Variants in GUCY1A2 observed in about 807,000 individuals in gnomAD.
GUCY1A2 encodes guanylate cyclase 1 soluble subunit alpha 2.
GUCY1A2 carries 27 observed loss-of-function variants against 63.5 expected under a neutral mutation model. That is an observed-to-expected ratio of 0.43 (90% CI 0.31 to 0.59). The LOEUF is 0.59. GUCY1A2 is among the 20% of genes least tolerant of loss of function. The probability of loss-of-function intolerance (pLI) is 0.11; values close to 1 mark genes in which losing one functional copy is unlikely to be tolerated. For missense variants in GUCY1A2, 768 were observed against 913.3 expected (o/e 0.84, Z 2.05); for synonymous variants, 364 against 343.5 (o/e 1.06, Z -0.66).
chr11:106,884,462 A>G (rs1038084383), intron 4 of GUCY1A2, among the ~76,000 whole-genome samples: 4 of 152,112 alleles, frequency 2.6e-5, no homozygotes, highest in African/African-American at 9.7e-5. Context: ...AGTGAGAGAG[A>G]GCATGGGAAG....
At chr11:106,870,115 G>C (rs1462173617) in intron 4 of GUCY1A2, among the ~76,000 whole-genome samples, 1 of 124,426 alleles carries the variant, frequency 8.0e-6, no homozygotes, top group Non-Finnish European at 1.7e-5. Context: ...TGAGGGGGGG[G>C]GAGGGGGGAG....
intron 6 of GUCY1A2, among the ~76,000 whole-genome samples, chr11:106,709,193 TATATA>T (rs1265752781): frequency 7.9e-6 from 1 of 127,138 alleles, no homozygotes; most frequent in African/African-American, 2.9e-5. Context: ...TATATAACTA[TATATA>T]ATATACATGT....
chr11:106,700,795 A>ATT (rs538829087), intron 7 of GUCY1A2, among the ~76,000 whole-genome samples: 21 of 148,364 alleles, frequency 1.4e-4, no homozygotes, highest in African/African-American at 4.7e-4. Context: ...GAGCATGTTG[A>ATT]TTTTTTTTTT....
chr11:106,953,149 G>T (rs1367100180), intron 3 of GUCY1A2, among the ~76,000 whole-genome samples: 3 of 152,162 alleles, frequency 2.0e-5, no homozygotes, highest in East Asian at 3.8e-4. Context: ...CATTCCATAT[G>T]ATATTGGCTG....
Position 106,678,725 on chromosome 11 carries a change from C to T in GUCY1A2, c.*8824G>A, listed in dbSNP as rs1237109335. On this transcript the variant is annotated 3_prime_UTR_variant, in exon 8 of 8. Transcript: ENST00000526355. The stretch of plus-strand genomic sequence containing the variant: ...TCCGAGAAGTTTACAATGCGTTGTT[C>T]TATATTCTAATGTGAACAAGCTGAA... 4.9e-6 allele frequency: 1 copy of T among 202,698 alleles called. No homozygotes were observed. Among genetic ancestry groups the T allele is most frequent in the African/African-American group, 2.3e-5 (1 of 43,614 alleles). The allele number at this position is 202,698 out of a possible 1,614,324, so 12.6% of individuals were successfully genotyped here.
intron 6 of GUCY1A2, among the ~76,000 whole-genome samples, chr11:106,712,295 C>A (rs1863133963): frequency 6.6e-6 from 1 of 152,120 alleles, no homozygotes; most frequent in Non-Finnish European, 1.5e-5. Context: ...TGTTATTAAT[C>A]ACATTCAACA....
At chr11:106,694,796 G>C (rs1415663225) in intron 7 of GUCY1A2, among the ~76,000 whole-genome samples, 2 of 152,164 alleles carry the variant, frequency 1.3e-5, no homozygotes, top group East Asian at 3.8e-4. Flanking sequence ...CACCTGGCCA[G>C]TTCTATATTT....
At chr11:106,837,114 A>G (rs1382578399) in intron 4 of GUCY1A2, among the ~76,000 whole-genome samples, 1 of 151,770 alleles carries the variant, frequency 6.6e-6, no homozygotes, top group Non-Finnish European at 1.5e-5. Flanking sequence ...AAACTACCCA[A>G]TAGTTATTTT....
intron 3 of GUCY1A2, among the ~76,000 whole-genome samples, chr11:106,969,141 T>A (rs910656286): frequency 6.6e-6 from 1 of 152,174 alleles, no homozygotes; most frequent in African/African-American, 2.4e-5. Flanking sequence ...ATATAAAATG[T>A]CTTAATTTAA....
At chr11:106,749,292 T>G (rs1863844709) in intron 6 of GUCY1A2, among the ~76,000 whole-genome samples, 1 of 152,082 alleles carries the variant, frequency 6.6e-6, no homozygotes, top group Admixed American at 6.6e-5. Context: ...AAGCGACACA[T>G]AAATAACTGT....
At chr11:106,879,754 A>T (rs1859798773) in intron 4 of GUCY1A2, among the ~76,000 whole-genome samples, 1 of 151,938 alleles carries the variant, frequency 6.6e-6, no homozygotes, top group Non-Finnish European at 1.5e-5. Context: ...TTTCATCAGT[A>T]TGCCCTCCAA....
chr11:106,827,918 A>G, intron 4 of GUCY1A2: 1 of 1,371,644 alleles, frequency 7.3e-7, no homozygotes, highest in Non-Finnish European at 1.0e-6. Flanking sequence ...GGTTTACTGA[A>G]TATCGCGGCG....
At chr11:106,860,140 A>C (rs1859490042) in intron 4 of GUCY1A2, among the ~76,000 whole-genome samples, 1 of 151,986 alleles carries the variant, frequency 6.6e-6, no homozygotes, top group Non-Finnish European at 1.5e-5. Context: ...TTATGTTTTA[A>C]AATACCAAAA....
intron 4 of GUCY1A2, among the ~76,000 whole-genome samples, chr11:106,855,053 G>A (rs577319384): frequency 9.9e-5 from 15 of 152,238 alleles, no homozygotes; most frequent in East Asian, 7.7e-4. Flanking sequence ...TGCAAGGCCC[G>A]TTGGGCCTCA....
At position 106,757,436 on chromosome 11, in the gene GUCY1A2, A is replaced by AT. The variant is rs80152298; in HGVS notation, c.1836+19002dup. On this transcript the variant is annotated intron_variant, in intron 6 of 7. Coordinates refer to ENST00000526355, the MANE Select transcript of GUCY1A2 (RefSeq NM_000855.3). ...CCTCTGGAGGAGAAAAGGCATTGTGATTTTTGGAATTTTCAACCTTTTTTC... is the reference window on the plus strand; with the variant it reads ...CCTCTGGAGGAGAAAAGGCATTGTGATTTTTTGGAATTTTCAACCTTTTTTC... Among the ~76,000 whole-genome samples the AT allele has an allele frequency of 7.6e-3, 1,159 of 152,166 alleles. 68 individuals are homozygous for AT. In the East Asian group the frequency reaches 0.13, roughly 17 times the overall value.
intron 7 of GUCY1A2, among the ~76,000 whole-genome samples, chr11:106,696,747 T>C (rs1188530242): frequency 6.6e-6 from 1 of 152,154 alleles, no homozygotes; most frequent in Non-Finnish European, 1.5e-5. Context: ...TCAACCGACT[T>C]CTTATATGAA....
intron 6 of GUCY1A2, among the ~76,000 whole-genome samples, chr11:106,709,262 A>AATAAT (rs1322956292): frequency 8.2e-5 from 4 of 48,590 alleles, no homozygotes; most frequent in Non-Finnish European, 1.0e-4. Flanking sequence ...AATATATATA[A>AATAAT]ATATATTTAT....
At chr11:106,921,023 T>C (rs1860437817) in intron 4 of GUCY1A2, among the ~76,000 whole-genome samples, 1 of 152,056 alleles carries the variant, frequency 6.6e-6, no homozygotes, top group Admixed American at 6.6e-5. Context: ...CAACTCAATA[T>C]TTGCAACATG....
At position 106,715,184 on chromosome 11, in the gene GUCY1A2, G is replaced by T. The variant is rs533844269; in HGVS notation, c.1837-6518C>A. Among the ~76,000 whole-genome samples the T allele has an allele frequency of 1.7e-4, 26 of 152,026 alleles. No individual in the cohort carries two copies. In the South Asian group the frequency reaches 5.0e-3, roughly 29 times the overall value. On this transcript the variant is annotated intron_variant, in intron 6 of 7. Transcript: ENST00000526355. ...CAATATTCTGCTTCTTTATTACCAG[G>T]TTCACAAACAACTGCATTAAAAAAA...
Sources: gnomAD v4.1 joint callset for allele counts (sites outside exome capture counted in the v4.1 genomes callset) on GRCh38, gnomAD v4.1.1 for gene constraint, MANE v1.5 for transcripts, NCBI Gene and HGNC (gene_info 2026-07-23, HGNC 2026-07-21) for gene names.